PDZD2: variants seen among roughly 807,000 people sequenced by gnomAD.
The protein encoded by PDZD2 is PDZ domain containing 2, also known as PDZ domain-containing protein 2.
Under a neutral mutation model 220.7 loss-of-function variants are expected in PDZD2, and 90 were observed. That is an observed-to-expected ratio of 0.41 (90% CI 0.34 to 0.49). The LOEUF (loss-of-function observed/expected upper bound fraction) is 0.49, where lower values mean the gene tolerates loss of function less well. PDZD2 is among the 20% of genes least tolerant of loss of function. The probability of loss-of-function intolerance (pLI) is 0.28; values close to 1 mark genes in which losing one functional copy is unlikely to be tolerated. For missense variants in PDZD2, 3,174 were observed against 3,608.5 expected, an observed-to-expected ratio of 0.88 and a Z score of 3.08; for synonymous variants, 1,375 against 1,450.5, an observed-to-expected ratio of 0.95 and a Z score of 1.18.
At chr5:31,736,094 C>G (rs1749844849) in intron 1 of PDZD2, among the ~76,000 whole-genome samples, 1 of 152,128 alleles carries the variant, frequency 6.6e-6, no homozygotes, top group Non-Finnish European at 1.5e-5. Context: ...GGAGGTAATG[C>G]TAACAGTATC....
At chr5:32,046,211 A>C (rs1055694490) in intron 7 of PDZD2, among the ~76,000 whole-genome samples, 2 of 152,188 alleles carry the variant, frequency 1.3e-5, no homozygotes, top group South Asian at 4.1e-4. Flanking sequence ...GTATTGATAA[A>C]GTCTTTAAAA....
chr5:31,711,361 T>C (rs1395931297), intron 1 of PDZD2, among the ~76,000 whole-genome samples: 2 of 152,156 alleles, frequency 1.3e-5, no homozygotes, highest in Non-Finnish European at 2.9e-5. Context: ...GAAGGAAAGT[T>C]AAAAACAGAG....
intron 2 of PDZD2, among the ~76,000 whole-genome samples, chr5:31,963,071 A>G (rs1257403952): frequency 1.3e-5 from 2 of 152,044 alleles, no homozygotes; most frequent in Non-Finnish European, 2.9e-5. Context: ...ACTCTAAAAC[A>G]TGTTTGTGGC....
chr5:32,068,902 T>A (rs1379552114), intron 14 of PDZD2, among the ~76,000 whole-genome samples: 1 of 152,046 alleles, frequency 6.6e-6, no homozygotes, highest in Non-Finnish European at 1.5e-5. Context: ...ATGTTAAAAA[T>A]TAGTGATTCT....
At chr5:32,078,830 GTGTA>G (rs1741615469) in intron 19 of PDZD2, among the ~76,000 whole-genome samples, 1 of 151,106 alleles carries the variant, frequency 6.6e-6, no homozygotes. Flanking sequence ...AGTGTGGGGT[GTGTA>G]TGTGTGTATG....
intron 21 of PDZD2, among the ~76,000 whole-genome samples, chr5:32,097,058 C>T (rs1228907083): frequency 6.6e-6 from 1 of 151,796 alleles, no homozygotes; most frequent in Non-Finnish European, 1.5e-5. Context: ...AACTCTTGGG[C>T]TCAAGAGATC....
intron 5 of PDZD2, among the ~76,000 whole-genome samples, chr5:32,002,894 A>AACACACC (rs1752342931): frequency 3.2e-5 from 3 of 93,664 alleles, no homozygotes; most frequent in African/African-American, 4.6e-5. Flanking sequence ...CACACACACC[A>AACACACC]ACACACACCC....
chr5:31,764,063 C>T (rs561625784), intron 1 of PDZD2, among the ~76,000 whole-genome samples: 64 of 152,218 alleles, frequency 4.2e-4, no homozygotes, highest in Non-Finnish European at 7.6e-4. Context: ...ACCTGCTGCC[C>T]GTCACGGATG....
chr5:32,100,817 T>TG (rs34154664), intron 23 of PDZD2: 1 of 1,281,864 alleles, frequency 7.8e-7, no homozygotes, highest in Non-Finnish European at 1.1e-6. Flanking sequence ...CTTTGCTTTC[T>TG]GGGGATTTCT....
chr5:31,951,019 A>G (rs914202154), intron 2 of PDZD2, among the ~76,000 whole-genome samples: 3 of 152,078 alleles, frequency 2.0e-5, no homozygotes, highest in Non-Finnish European at 4.4e-5. Context: ...TTCTTGCTGT[A>G]CCTGCACATG....
chr5:31,936,231 C>A, intron 2 of PDZD2: 2 of 987,758 alleles, frequency 2.0e-6, no homozygotes, highest in Non-Finnish European at 2.4e-6. Context: ...TAACCCAGGA[C>A]TTTAAAGACC....
intron 3 of PDZD2, among the ~76,000 whole-genome samples, chr5:31,989,475 T>C (rs998306066): frequency 6.9e-6 from 1 of 145,762 alleles, no homozygotes; most frequent in African/African-American, 2.6e-5. Flanking sequence ...CAGGCTGGAG[T>C]GCAGTGGCGC....
chr5:31,856,908 C>CTA lies in PDZD2; in HGVS notation c.476+57211_476+57212dup, dbSNP rs61675053. Among the ~76,000 whole-genome samples, 1,270 of 140,640 alleles carry CTA rather than the reference C, an allele frequency of 9.0e-3. 12 individuals carry two copies. The highest frequency in any genetic ancestry group is 0.02 in the African/African-American group (772 of 39,218). The allele number at this position is 140,640 out of a possible 152,430, so 92.3% of individuals were successfully genotyped here. ...GCGTGAGCTTCCCTCCTTATCAAAA[C>CTA]TATATATATATATATATATATATAT... On this transcript the variant is annotated intron_variant, in intron 2 of 24. Coordinates refer to ENST00000438447, the MANE Select transcript of PDZD2 (RefSeq NM_178140.4).
At chr5:32,107,926 T>C in intron 24 of PDZD2, 43 bp from the exon 25 acceptor site, 2 of 1,461,922 alleles carry the variant, frequency 1.4e-6, no homozygotes, top group African/African-American at 1.4e-5. Flanking sequence ...TTGAATACTA[T>C]GAAACTGCCA....
chr5:31,821,390 T>A (rs13184951), intron 2 of PDZD2, among the ~76,000 whole-genome samples: 7,766 of 70,338 alleles, frequency 0.11, 732 homozygotes, highest in African/African-American at 0.29. Flanking sequence ...TATTATTATT[T>A]TTTTTTTTTG....
chr5:31,727,209 C>T (rs1200746618), intron 1 of PDZD2, among the ~76,000 whole-genome samples: 1 of 152,202 alleles, frequency 6.6e-6, no homozygotes, highest in Non-Finnish European at 1.5e-5. Flanking sequence ...AATATCCAAG[C>T]TATCTGAAGA....
At chr5:31,674,330 A>C (rs942144159) in intron 1 of PDZD2, among the ~76,000 whole-genome samples, 1 of 152,222 alleles carries the variant, frequency 6.6e-6, no homozygotes, top group African/African-American at 2.4e-5. Flanking sequence ...TACTCACTTT[A>C]AAGAACAGAG....
At chr5:31,973,449 C>G (rs186390342) in intron 2 of PDZD2, among the ~76,000 whole-genome samples, 1 of 152,276 alleles carries the variant, frequency 6.6e-6, no homozygotes, top group African/African-American at 2.4e-5. Flanking sequence ...TCTTCGTACT[C>G]CTTAAATCTA....
At chr5:32,101,284 T>C (rs995300155) in intron 24 of PDZD2, 45 bp downstream of exon 24, 1 of 1,513,012 alleles carries the variant, frequency 6.6e-7, no homozygotes, top group African/African-American at 1.4e-5. Flanking sequence ...ACCTGTCATT[T>C]TTCCATGGAT....
Sources: allele counts gnomAD v4.1 joint callset (sites outside exome capture counted in the v4.1 genomes callset), GRCh38; gene constraint gnomAD v4.1.1; transcripts MANE v1.5; gene names NCBI Gene and HGNC (gene_info 2026-07-23, HGNC 2026-07-21).